The following DGKI variants were observed in gnomAD, a reference collection of about 807,000 sequenced individuals.
The protein encoded by DGKI is DAG kinase iota.
A neutral mutation model predicts 147.5 loss-of-function variants in DGKI; 55 were observed. The observed-to-expected ratio is 0.37, with a 90% CI of 0.30 to 0.47. The LOEUF (loss-of-function observed/expected upper bound fraction) is 0.47, where lower values mean the gene tolerates loss of function less well. Among genes scored for constraint, DGKI ranks in the 20% least tolerant of loss-of-function variants. The pLI is 1.00. For missense variants in DGKI, 1,007 were observed against 1,323.8 expected (o/e 0.76, Z 3.71); for synonymous variants, 469 against 477.1 (o/e 0.98, Z 0.22).
intron 20 of DGKI, among the ~76,000 whole-genome samples, chr7:137,547,662 G>A (rs1817909484): frequency 6.6e-6 from 1 of 152,170 alleles, no homozygotes; most frequent in Non-Finnish European, 1.5e-5. Flanking sequence ...TGTCTCAGGA[G>A]CTATGACAGA....
At chr7:137,601,101 C>T (rs931596039) in intron 10 of DGKI, among the ~76,000 whole-genome samples, 6 of 151,514 alleles carry the variant, frequency 4.0e-5, no homozygotes, top group African/African-American at 1.5e-4. Flanking sequence ...GAAACCCCGT[C>T]TCTACTAAAA....
In DGKI at chr7:137,760,157, G is replaced by C. The variant is rs140614336; in HGVS notation, c.402-70155C>G. On this transcript the variant is annotated intron_variant, in intron 1 of 32. Transcript: ENST00000614521. Reference sequence around the variant, plus strand: ...CACCTCACCTACTAATCTTTCCTGCGGGCCCTCTCCTTTCTTTCCCTTGCA... The same window carrying C: ...CACCTCACCTACTAATCTTTCCTGCCGGCCCTCTCCTTTCTTTCCCTTGCA... 4.8e-3 allele frequency among the ~76,000 whole-genome samples: 729 copies of C among 151,984 alleles called. 5 individuals carry two copies. Among genetic ancestry groups the C allele is most frequent in the Non-Finnish European group, 8.2e-3 (557 of 67,978 alleles).
At chr7:137,843,519 A>G (rs1229097440) in intron 1 of DGKI, 1 of 651,072 alleles carries the variant, frequency 1.5e-6, no homozygotes, top group Non-Finnish European at 1.9e-6. Context: ...AAGCCAACAC[A>G]GAATAGATAA....
At chr7:137,740,964 T>C (rs1795156406) in intron 1 of DGKI, among the ~76,000 whole-genome samples, 1 of 152,180 alleles carries the variant, frequency 6.6e-6, no homozygotes. Flanking sequence ...TGAGCTCACC[T>C]CTCTGAGCCT....
chr7:137,639,755 G>A (rs1291689539), intron 6 of DGKI, among the ~76,000 whole-genome samples: 1 of 152,152 alleles, frequency 6.6e-6, no homozygotes, highest in Non-Finnish European at 1.5e-5. Context: ...GACCCAGGGA[G>A]CAGTGACAGC....
chr7:137,734,843 T>C (rs1284201948), intron 1 of DGKI, among the ~76,000 whole-genome samples: 3 of 152,148 alleles, frequency 2.0e-5, no homozygotes, highest in African/African-American at 7.2e-5. Flanking sequence ...AAATCCAGAC[T>C]TCTGTGACTC....
At chr7:137,471,359 A>G (rs748604584) in intron 23 of DGKI, among the ~76,000 whole-genome samples, 2 of 152,192 alleles carry the variant, frequency 1.3e-5, no homozygotes, top group Non-Finnish European at 2.9e-5. Flanking sequence ...TTGTGTGTAC[A>G]GAGGGGACAG....
At chr7:137,569,571 A>G (rs2128974997) in intron 19 of DGKI, among the ~76,000 whole-genome samples, 1 of 151,590 alleles carries the variant, frequency 6.6e-6, no homozygotes, top group Admixed American at 6.6e-5. Context: ...TACTAAAAAT[A>G]CAAAAAAATT....
intron 1 of DGKI, among the ~76,000 whole-genome samples, chr7:137,807,886 C>G (rs568035692): frequency 6.6e-6 from 1 of 152,162 alleles, no homozygotes; most frequent in Non-Finnish European, 1.5e-5. Context: ...ATGTCTCCCC[C>G]ACTCATCAAG....
At chr7:137,416,234 T>C (rs2128903568) in intron 28 of DGKI, among the ~76,000 whole-genome samples, 1 of 152,292 alleles carries the variant, frequency 6.6e-6, no homozygotes, top group South Asian at 2.1e-4. Context: ...ACAAAGGCTA[T>C]TTAAGGATCA....
At chr7:137,578,784 T>C (rs957600275) in intron 15 of DGKI, among the ~76,000 whole-genome samples, 1 of 152,192 alleles carries the variant, frequency 6.6e-6, no homozygotes. Context: ...AGCGATTATT[T>C]ACTTTGACTT....
At chr7:137,460,897 G>A (rs1253332929) in intron 27 of DGKI, among the ~76,000 whole-genome samples, 5 of 151,866 alleles carry the variant, frequency 3.3e-5, no homozygotes, top group African/African-American at 9.7e-5. Flanking sequence ...TAATTTTTAC[G>A]CTTATTTTGA....
chr7:137,399,399 T>C (rs1179046712), intron 30 of DGKI, among the ~76,000 whole-genome samples: 2 of 152,138 alleles, frequency 1.3e-5, no homozygotes, highest in Admixed American at 1.3e-4. Context: ...TATGAAAACA[T>C]GAATAATGAT....
chr7:137,776,312 T>G (rs1271734471), intron 1 of DGKI, among the ~76,000 whole-genome samples: 2 of 152,204 alleles, frequency 1.3e-5, no homozygotes, highest in East Asian at 1.9e-4. Flanking sequence ...ATTATACCCA[T>G]TAAAAATCAA....
intron 10 of DGKI, among the ~76,000 whole-genome samples, chr7:137,607,416 T>C (rs1291874465): frequency 1.3e-5 from 2 of 152,184 alleles, no homozygotes; most frequent in Admixed American, 1.3e-4. Flanking sequence ...CAATATTAGA[T>C]AATCTCTGAA....
intron 1 of DGKI, among the ~76,000 whole-genome samples, chr7:137,698,995 C>T (rs551384905): frequency 2.0e-5 from 3 of 152,286 alleles, no homozygotes; most frequent in African/African-American, 7.2e-5. Context: ...TTGGGCTGCT[C>T]TAACAAAGCA....
intron 1 of DGKI, among the ~76,000 whole-genome samples, chr7:137,838,717 T>G (rs1798459820): frequency 6.6e-6 from 1 of 152,348 alleles, no homozygotes; most frequent in South Asian, 2.1e-4. Context: ...CAAAATTTAT[T>G]TCACAGTCCT....
intron 1 of DGKI, among the ~76,000 whole-genome samples, chr7:137,842,142 C>T (rs113738350): frequency 2.8e-4 from 43 of 152,180 alleles, no homozygotes; most frequent in Admixed American, 5.9e-4. Flanking sequence ...GTGCAAAACA[C>T]GGATAAAAAC....
At chr7:137,553,939 G>A (rs1266591136) in intron 19 of DGKI, among the ~76,000 whole-genome samples, 1 of 152,182 alleles carries the variant, frequency 6.6e-6, no homozygotes, top group Non-Finnish European at 1.5e-5. Flanking sequence ...ATTCTGCTGA[G>A]TCTAACCGGA....
Sources: allele counts gnomAD v4.1 joint callset (sites outside exome capture counted in the v4.1 genomes callset), GRCh38; gene constraint gnomAD v4.1.1; transcripts MANE v1.5; gene names NCBI Gene and HGNC (gene_info 2026-07-23, HGNC 2026-07-21).